Variants in DIP2B observed in about 807,000 individuals in gnomAD.
DIP2B encodes disco-interacting protein 2 homolog B.
Under a neutral mutation model 198.0 loss-of-function variants are expected in DIP2B, and 76 were observed. The ratio of observed to expected loss-of-function variants is 0.38; its 90% confidence interval spans 0.32 to 0.46. The LOEUF is 0.46. Among genes scored for constraint, DIP2B ranks in the 20% least tolerant of loss-of-function variants. The probability of loss-of-function intolerance (pLI) is 0.99; values close to 1 mark genes in which losing one functional copy is unlikely to be tolerated. For missense variants in DIP2B, 1,559 were observed against 1,978.4 expected (o/e 0.79, Z 4.02); for synonymous variants, 701 against 739.1 (o/e 0.95, Z 0.84).
intron 34 of DIP2B, 92 bp downstream of exon 34, chr12:50,735,222 CAGGGCA>C: frequency 7.2e-7 from 1 of 1,390,456 alleles, no homozygotes. Flanking sequence ...TATTAGTGTC[CAGGGCA>C]AGCCTTAATT....
chr12:50,745,771 T>G lies in DIP2B; in HGVS notation c.*932T>G, dbSNP rs563450166. On this transcript the variant is annotated 3_prime_UTR_variant, in exon 38 of 38. Transcript: ENST00000301180. Reference sequence around the variant, plus strand: ...CCCTATTCTAAGGAACCACAATAACTTACTCTGGCCCCAGTGTTAAAACGA... The same window carrying G: ...CCCTATTCTAAGGAACCACAATAACGTACTCTGGCCCCAGTGTTAAAACGA... The G allele has an allele frequency of 1.3e-5, 2 of 152,622 alleles. No homozygotes were observed. Among genetic ancestry groups the G allele is most frequent in the Admixed American group, 1.3e-4 (2 of 15,304 alleles). The allele number at this position is 152,622 out of a possible 1,614,324, so 9.5% of individuals were successfully genotyped here. A position where few individuals can be genotyped will look rare whatever the true frequency, so the allele number is the denominator to read the frequency against.
chr12:50,651,612 C>A (rs1382170574), intron 3 of DIP2B, among the ~76,000 whole-genome samples: 2 of 152,020 alleles, frequency 1.3e-5, no homozygotes, highest in Admixed American at 6.6e-5. Context: ...AGTTTTGGCA[C>A]CTTTGTTGAA....
At chr12:50,661,701 G>C (rs919062532) in intron 4 of DIP2B, among the ~76,000 whole-genome samples, 1 of 152,212 alleles carries the variant, frequency 6.6e-6, no homozygotes, top group Non-Finnish European at 1.5e-5. Flanking sequence ...CATGGACAAA[G>C]GGGGCTCTCA....
chr12:50,725,936 G>GT (rs759470311), intron 28 of DIP2B, among the ~76,000 whole-genome samples: 11 of 151,542 alleles, frequency 7.3e-5, no homozygotes, highest in Non-Finnish European at 1.3e-4. Context: ...GCTGAACTGG[G>GT]TTTTTTAAAT....
Position 50,703,951 on chromosome 12 carries a change from ATCT to A in DIP2B, c.2326-184_2326-182del, listed in dbSNP as rs555119919. On this transcript the variant is annotated intron_variant, in intron 19 of 37. Transcript: ENST00000301180. ...GTTTTATATATATATTTATATATGTATCTTCTTAAAAGTCTAGAGAGGTAAACA... is the reference window on the plus strand; with the variant it reads ...GTTTTATATATATATTTATATATGTATCTTAAAAGTCTAGAGAGGTAAACA... Among the ~76,000 whole-genome samples, 325 of 150,698 alleles carry A rather than the reference ATCT, an allele frequency of 2.2e-3. 1 individual carries two copies. The Middle Eastern group carries it at 0.035, about 16-fold the overall frequency.
intron 4 of DIP2B, among the ~76,000 whole-genome samples, chr12:50,664,871 T>TTTTTTG (rs1938723525): frequency 1.0e-5 from 1 of 97,292 alleles, no homozygotes; most frequent in African/African-American, 3.9e-5. Context: ...TTTTTTTTTT[T>TTTTTTG]TGACACAGTC....
At position 50,525,509 on chromosome 12, in the gene DIP2B, T is replaced by TC. The variant is rs757985097; in HGVS notation, c.100+20273dup. ...CGTGATGCATGTTGCTGCCTCTAGGTCCCCTTTTTTTTTTTTTTTTTGAGA... is the reference window on the plus strand; with the variant it reads ...CGTGATGCATGTTGCTGCCTCTAGGTCCCCCTTTTTTTTTTTTTTTTTGAGA... On this transcript the variant is annotated intron_variant, in intron 1 of 37. Transcript: ENST00000301180. Among the ~76,000 whole-genome samples, 191 of 142,586 alleles carry TC rather than the reference T, an allele frequency of 1.3e-3. 1 individual carries two copies. The South Asian group carries it at 0.015, about 11-fold the overall frequency. 93.5% of individuals were successfully genotyped at this position (142,586 alleles called of 152,430 possible). A position where few individuals can be genotyped will look rare whatever the true frequency, so the allele number is the denominator to read the frequency against.
chr12:50,695,901 C>T lies in DIP2B; in HGVS notation c.1867C>T (p.Arg623Trp), dbSNP rs771933340. 5 of 1,614,104 alleles carry T rather than the reference C, an allele frequency of 3.1e-6. No homozygotes were observed. Among genetic ancestry groups the T allele is most frequent in the East Asian group, 2.2e-5 (1 of 44,884 alleles). The change falls in exon 16 of 38, where the codon CGG becomes TGG. Residue 623 changes from arginine (R) to tryptophan (W), a missense_variant. By Grantham distance (101) the Arg-to-Trp change is moderately radical. Transcript: ENST00000301180. ...RDLHWAMMAH[R>W]DQRDVSLSSL... ...CTTGCACTGGGCTATGATGGCACAT[C>T]GGGACCAAAGAGACGTGAGCTTGAG... is the stretch of plus-strand genomic sequence containing the variant.
intron 23 of DIP2B, among the ~76,000 whole-genome samples, chr12:50,716,680 G>T (rs1320322703): frequency 1.3e-5 from 2 of 152,086 alleles, no homozygotes; most frequent in Admixed American, 1.3e-4. Context: ...GTATATTCAG[G>T]ATCAACAGAT....
Position 50,611,783 on chromosome 12 carries a change from C to T in DIP2B, c.101-14193C>T, listed in dbSNP as rs545887259. ...ATTTATTTAGTCTCTGCCCCTCTCT[C>T]GGGCTTTTAGCAAGAAATGCCCAAG... On this transcript the variant is annotated intron_variant, in intron 1 of 37. Transcript: ENST00000301180. Among the ~76,000 whole-genome samples the T allele has an allele frequency of 5.3e-5, 8 of 152,290 alleles. No individual in the cohort carries two copies. The South Asian group carries it at 1.7e-3, about 32-fold the overall frequency.
rs772210044 is a variant in DIP2B at position 50,741,506 on chromosome 12, C to T, written c.4445C>T (p.Ser1482Leu). ...TACCACCCAATTGATATTGAGACCT[C>T]GGTGTCCCGGATCCACAGAAGCATT... ...LRYHPIDIETSVSRIHRSIAE... is the reference protein window; with the variant it reads ...LRYHPIDIETLVSRIHRSIAE... Residue 1482 changes from serine to leucine, a missense_variant, in exon 37 of 38, where the codon TCG becomes TTG. By Grantham distance (145) the Ser-to-Leu change is moderately radical. Coordinates refer to ENST00000301180, the MANE Select transcript of DIP2B (RefSeq NM_173602.3). 6 of 1,613,914 alleles carry T rather than the reference C, an allele frequency of 3.7e-6. No individual in the cohort carries two copies. Among genetic ancestry groups the T allele is most frequent in the South Asian group, 1.1e-5 (1 of 91,082 alleles).
At chr12:50,702,734 T>TAAAAAAAA (rs35373628) in intron 19 of DIP2B, among the ~76,000 whole-genome samples, 2 of 40,614 alleles carry the variant, frequency 4.9e-5, no homozygotes, top group Non-Finnish European at 7.5e-5. Context: ...CCTCATCTCT[T>TAAAAAAAA]AAAAAAAAAA....
chr12:50,738,147 C>G (rs1390152237), intron 35 of DIP2B, among the ~76,000 whole-genome samples: 1 of 151,934 alleles, frequency 6.6e-6, no homozygotes. Flanking sequence ...CGAGACCATC[C>G]TGGCCAACAT....
At chr12:50,650,902 C>A (rs1938441129) in intron 3 of DIP2B, among the ~76,000 whole-genome samples, 2 of 152,246 alleles carry the variant, frequency 1.3e-5, no homozygotes, top group South Asian at 4.1e-4. Flanking sequence ...TCCTTAGAAG[C>A]TATATCATTT....
intron 2 of DIP2B, chr12:50,633,211 G>A (rs927148362): frequency 1.5e-4 from 23 of 152,246 alleles, no homozygotes; most frequent in African/African-American, 5.3e-4. Context: ...AATTAACAGT[G>A]TAACAGGAAA....
At position 50,576,780 on chromosome 12, in the gene DIP2B, C is replaced by T. The variant is rs866977636; in HGVS notation, c.101-49196C>T. Among the ~76,000 whole-genome samples the T allele has an allele frequency of 5.9e-5, 9 of 152,112 alleles. 1 individual carries two copies. The highest frequency in any genetic ancestry group is 2.1e-4 in the South Asian group (1 of 4,826). ...ACAGGCGTGAGCTACCGCGCCCAGC[C>T]GGTCTGACCCTTTACAGAAAAAGTT... On this transcript the variant is annotated intron_variant, in intron 1 of 37. Transcript: ENST00000301180.
chr12:50,726,850 T>C (rs1565883569), intron 28 of DIP2B, among the ~76,000 whole-genome samples: 1 of 152,042 alleles, frequency 6.6e-6, no homozygotes, highest in African/African-American at 2.4e-5. Context: ...CAGTGGCTCA[T>C]GGTTGTAATG....
At position 50,556,190 on chromosome 12, in the gene DIP2B, C is replaced by T. The variant is rs115097619; in HGVS notation, c.100+50950C>T. On this transcript the variant is annotated intron_variant, in intron 1 of 37. Coordinates refer to ENST00000301180, the MANE Select transcript of DIP2B (RefSeq NM_173602.3). ...TCAGCCTCCCAGCCACCTGGGATTACAGGTGCCTGCCACCACACCTGGCTA... is the reference window on the plus strand; with the variant it reads ...TCAGCCTCCCAGCCACCTGGGATTATAGGTGCCTGCCACCACACCTGGCTA... Among the ~76,000 whole-genome samples, 993 of 152,114 alleles carry T rather than the reference C, an allele frequency of 6.5e-3. 11 individuals are homozygous for T. The highest frequency in any genetic ancestry group is 0.022 in the African/African-American group (913 of 41,506).
In DIP2B at chr12:50,710,797, G is replaced by A. The variant is rs573246965; in HGVS notation, c.2649+2235G>A. ...TGAATTATCAGCTGATACTGTGTAGGCTATTTGTAGTAGAAAATCAGAAAA... is the reference window on the plus strand; with the variant it reads ...TGAATTATCAGCTGATACTGTGTAGACTATTTGTAGTAGAAAATCAGAAAA... On this transcript the variant is annotated intron_variant, in intron 22 of 37. Coordinates refer to ENST00000301180, the MANE Select transcript of DIP2B (RefSeq NM_173602.3). Among the ~76,000 whole-genome samples, 7 of 152,186 alleles carry A rather than the reference G, an allele frequency of 4.6e-5. No individual in the cohort carries two copies. In the South Asian group the frequency reaches 1.5e-3, roughly 32 times the overall value.
Sources: allele counts gnomAD v4.1 joint callset (sites outside exome capture counted in the v4.1 genomes callset), GRCh38; gene constraint gnomAD v4.1.1; transcripts MANE v1.5; gene names NCBI Gene and HGNC (gene_info 2026-07-23, HGNC 2026-07-21).